BICD2: variants seen among roughly 807,000 people sequenced by gnomAD.
BICD2 encodes the protein BICD cargo adaptor 2, also known as protein bicaudal D homolog 2.
A neutral mutation model predicts 72.9 loss-of-function variants in BICD2; 25 were observed. That is an observed-to-expected ratio of 0.34 (90% confidence interval 0.25 to 0.48). The LOEUF (loss-of-function observed/expected upper bound fraction) is 0.48. BICD2 is among the 20% of genes least tolerant of loss of function. The pLI, the probability that BICD2 is intolerant of heterozygous loss-of-function variation, is 0.99. For synonymous variants in BICD2, 501 were observed against 516.1 expected (o/e 0.97, Z 0.40); for missense variants, 894 against 1,175.2 (o/e 0.76, Z 3.50).
chr9:92,764,833 T>G lies in BICD2; in HGVS notation c.-89A>C. The G allele has an allele frequency of 3.5e-6, 3 of 853,146 alleles. No homozygotes were observed. Among genetic ancestry groups the G allele is most frequent in the South Asian group, 6.0e-5 (1 of 16,734 alleles). 52.8% of individuals were successfully genotyped at this position (853,146 alleles called of 1,614,324 possible). On this transcript the variant is annotated 5_prime_UTR_variant, in exon 1 of 7. Transcript: ENST00000356884. This position sits in a 1 kb window ranked among gnomAD's most constrained non-coding sequence, Gnocchi z 5.5. The stretch of plus-strand genomic sequence containing the variant: ...GCCGCTGCCGCCGCCGCCGCCGCCC[T>G]GCCCCGACGGCCGCCCGCCCGCCCG...
Position 92,720,455 on chromosome 9 carries a change from A to AG in BICD2, c.906dup (p.Phe303LeufsTer2). The AG allele has an allele frequency of 6.2e-7, 1 of 1,614,186 alleles. No homozygotes were observed. The highest frequency in any genetic ancestry group is 8.5e-7 in the Non-Finnish European group (1 of 1,180,044). On this transcript the variant is annotated frameshift_variant, in exon 4 of 7. Transcript: ENST00000356884. LOFTEE classifies it high-confidence loss of function. This position sits in a 1 kb window ranked among gnomAD's most constrained non-coding sequence, Gnocchi z 5.4. ...AGCTTGGCCAGGCCGCCGTGCTCAA[A>AG]GCCATTGACCAGGGCCTCGGCATCG...
chr9:92,744,376 C>G (rs1046089622), intron 1 of BICD2, among the ~76,000 whole-genome samples: 3 of 152,168 alleles, frequency 2.0e-5, no homozygotes, highest in African/African-American at 7.2e-5. Flanking sequence ...CTTGACAGGG[C>G]TCAGAGAGCA....
At chr9:92,755,246 G>A (rs1438238972) in intron 1 of BICD2, among the ~76,000 whole-genome samples, 1 of 152,138 alleles carries the variant, frequency 6.6e-6, no homozygotes, top group Non-Finnish European at 1.5e-5. Context: ...ATAAATTTTG[G>A]TCAGACCAGT....
At chr9:92,760,678 C>A (rs2131539766) in intron 1 of BICD2, among the ~76,000 whole-genome samples, 1 of 152,286 alleles carries the variant, frequency 6.6e-6, no homozygotes, top group East Asian at 1.9e-4. Context: ...AGCTGCCTCT[C>A]CCCAACTGTC....
chr9:92,729,959 C>A (rs1853646261), intron 1 of BICD2, among the ~76,000 whole-genome samples: 1 of 152,228 alleles, frequency 6.6e-6, no homozygotes, highest in South Asian at 2.1e-4. Context: ...AGGACGCCCA[C>A]CTGCCCACGC....
intron 2 of BICD2, among the ~76,000 whole-genome samples, chr9:92,728,658 AG>A (rs1468946859): frequency 6.6e-6 from 1 of 152,230 alleles, no homozygotes; most frequent in Non-Finnish European, 1.5e-5. Flanking sequence ...TTCCCAGGGC[AG>A]GGGGGAGTCC....
At chr9:92,723,176 A>T (rs1440456939) in intron 2 of BICD2, among the ~76,000 whole-genome samples, 3 of 152,196 alleles carry the variant, frequency 2.0e-5, no homozygotes, top group Admixed American at 2.0e-4. Context: ...GTGCTCTGGC[A>T]AACAGCCTGC....
chr9:92,745,885 C>T (rs1269829393), intron 1 of BICD2, among the ~76,000 whole-genome samples: 1 of 152,190 alleles, frequency 6.6e-6, no homozygotes, highest in Admixed American at 6.5e-5. Context: ...TGACCAGTGC[C>T]CCAACCACGC....
intron 5 of BICD2, among the ~76,000 whole-genome samples, 196 bp downstream of exon 5, chr9:92,718,343 C>G (rs1312073203): frequency 6.6e-6 from 1 of 152,238 alleles, no homozygotes; most frequent in Admixed American, 6.5e-5. Flanking sequence ...CCCTCACACC[C>G]ACCTGCCTGC....
chr9:92,724,758 G>A (rs966434172), intron 2 of BICD2, among the ~76,000 whole-genome samples: 3 of 152,200 alleles, frequency 2.0e-5, no homozygotes, highest in Non-Finnish European at 4.4e-5. Flanking sequence ...GCACCCCCCA[G>A]GAGTGTGCTT....
At position 92,717,887 on chromosome 9, in the gene BICD2, G is replaced by T; in HGVS notation, c.2168C>A (p.Thr723Asn). 1 of 1,613,526 alleles carries T rather than the reference G, an allele frequency of 6.2e-7. No individual in the cohort carries two copies. The highest frequency in any genetic ancestry group is 8.5e-7 in the Non-Finnish European group (1 of 1,180,032). The change falls in exon 6 of 7, where the codon ACC becomes AAC. Residue 723 changes from threonine to asparagine, a missense_variant. Transcript: ENST00000356884. ...SKYENEKAMVTETMMKLRNEL... is the reference protein window; with the variant it reads ...SKYENEKAMVNETMMKLRNEL... ...ATTGCGCAGCTTCATCATGGTCTCG[G>T]TAACCATGGCCTTCTCATTCTCATA...
chr9:92,750,797 G>A (rs1421565726), intron 1 of BICD2, among the ~76,000 whole-genome samples: 1 of 152,178 alleles, frequency 6.6e-6, no homozygotes, highest in Non-Finnish European at 1.5e-5. Flanking sequence ...GGGAGATCAA[G>A]GGATCCTGGG....
chr9:92,745,160 G>C (rs1020481146), intron 1 of BICD2, among the ~76,000 whole-genome samples: 1 of 152,170 alleles, frequency 6.6e-6, no homozygotes, highest in Non-Finnish European at 1.5e-5. Flanking sequence ...CACAGGGCCA[G>C]ATGCTTCAGA....
intron 1 of BICD2, among the ~76,000 whole-genome samples, chr9:92,763,975 C>T (rs1854426659): frequency 6.6e-6 from 1 of 152,198 alleles, no homozygotes; most frequent in African/African-American, 2.4e-5. Context: ...TTCCCCACCT[C>T]GGAGGCACTC....
Position 92,744,700 on chromosome 9 carries a change from G to C in BICD2, c.241-15464C>G, listed in dbSNP as rs1274978180. On this transcript the variant is annotated intron_variant, in intron 1 of 6. Transcript: ENST00000356884. ...ACTAAAAATACAAAAAATTAGCCAG[G>C]TGTGGTGGCACGCGCCTGTAGACCC... Among the ~76,000 whole-genome samples the C allele has an allele frequency of 3.9e-5, 6 of 152,106 alleles. No individual in the cohort carries two copies. The East Asian group carries it at 1.2e-3, about 29-fold the overall frequency.
chr9:92,713,704 A>G lies in BICD2; in HGVS notation c.*1450T>C. The G allele has an allele frequency of 7.2e-7, 1 of 1,391,028 alleles. No homozygotes were observed. Among genetic ancestry groups the G allele is most frequent in the Non-Finnish European group, 9.4e-7 (1 of 1,069,192 alleles). The allele number at this position is 1,391,028 out of a possible 1,614,324, so 86.2% of individuals were successfully genotyped here. A position where few individuals can be genotyped will look rare whatever the true frequency, so the allele number is the denominator to read the frequency against. On this transcript the variant is annotated 3_prime_UTR_variant, in exon 7 of 7. Coordinates refer to ENST00000356884, the MANE Select transcript of BICD2 (RefSeq NM_001003800.2). ...AAAGCGCATGCAGGGTGGGCATGCC[A>G]GCAGCCATCCCACTGCGAGTCTTGC... is the stretch of plus-strand genomic sequence containing the variant.
intron 1 of BICD2, among the ~76,000 whole-genome samples, chr9:92,734,157 C>T (rs544110779): frequency 2.0e-5 from 3 of 152,222 alleles, no homozygotes; most frequent in East Asian, 1.9e-4. Flanking sequence ...ATATGTTGTG[C>T]GATTCTGTTT....
At chr9:92,717,503 C>A (rs111836891) in intron 6 of BICD2, among the ~76,000 whole-genome samples, 1 of 152,360 alleles carries the variant, frequency 6.6e-6, no homozygotes, top group South Asian at 2.1e-4. Context: ...CAACTGCTTG[C>A]GTGACCTCGG....
intron 1 of BICD2, among the ~76,000 whole-genome samples, chr9:92,742,442 T>TG (rs1226788058): frequency 6.6e-6 from 1 of 151,576 alleles, no homozygotes; most frequent in Non-Finnish European, 1.5e-5. Flanking sequence ...TGGAGTGCAG[T>TG]GGCGCGATCT....
Sources: allele counts gnomAD v4.1 joint callset (sites outside exome capture counted in the v4.1 genomes callset), GRCh38; gene constraint gnomAD v4.1.1; non-coding constraint Gnocchi (gnomAD v3.1); transcripts MANE v1.5; gene names NCBI Gene and HGNC (gene_info 2026-07-23, HGNC 2026-07-21).